Variants in RPA3 observed in about 807,000 individuals in gnomAD.
RPA3 encodes replication protein A3.
A neutral mutation model predicts 13.7 loss-of-function variants in RPA3; 24 were observed. The ratio of observed to expected loss-of-function variants is 1.75; its 90% CI spans 1.27 to 2.46. The LOEUF (loss-of-function observed/expected upper bound fraction) is 2.46, where lower values mean the gene tolerates loss of function less well. RPA3 is among the 30% of genes most tolerant of loss of function. The pLI is 0.00. For synonymous variants in RPA3, 59 were observed against 51.2 expected (o/e 1.15, Z -0.65); for missense variants, 183 against 151.0 (o/e 1.21, Z -1.11).
chr7:7,638,782 C>G (rs748252306), intron 6 of RPA3: 2 of 266,590 alleles, frequency 7.5e-6, no homozygotes, highest in East Asian at 1.4e-4. Context: ...AAAAAAGCAA[C>G]GTAAATTTTT....
chr7:7,692,966 G>T (rs1780210565), intron 2 of RPA3, among the ~76,000 whole-genome samples: 2 of 152,140 alleles, frequency 1.3e-5, no homozygotes, highest in African/African-American at 4.8e-5. Context: ...TATATTTTAT[G>T]TGTCTAAAAT....
intron 2 of RPA3, among the ~76,000 whole-genome samples, chr7:7,701,737 C>A (rs569122263): frequency 6.6e-6 from 1 of 152,052 alleles, no homozygotes; most frequent in Admixed American, 6.6e-5. Flanking sequence ...TTATCAGTTC[C>A]CCTTCATTCT....
intron 7 of RPA3, 108 bp from the exon 8 acceptor site, chr7:7,637,190 G>C (rs1424643091): frequency 2.4e-6 from 2 of 821,706 alleles, no homozygotes; most frequent in Non-Finnish European, 4.0e-6. Context: ...TTTTGGAAGT[G>C]AGTTTCTAAA....
intron 2 of RPA3, among the ~76,000 whole-genome samples, chr7:7,697,548 A>G (rs1780351280): frequency 6.6e-6 from 1 of 152,212 alleles, no homozygotes; most frequent in South Asian, 2.1e-4. Context: ...AAATTTTCCA[A>G]GTATCTCAGG....
chr7:7,708,859 A>C (rs1480690851), intron 2 of RPA3, among the ~76,000 whole-genome samples: 1 of 152,056 alleles, frequency 6.6e-6, no homozygotes, highest in African/African-American at 2.4e-5. Flanking sequence ...TATATATACA[A>C]ATACAGGCAG....
intron 3 of RPA3, among the ~76,000 whole-genome samples, chr7:7,686,730 A>G (rs1173108615): frequency 1.3e-5 from 2 of 152,174 alleles, no homozygotes; most frequent in East Asian, 1.9e-4. Context: ...TAGTCCCTCA[A>G]TATCTGTTTC....
chr7:7,641,198 G>T (rs1245411002), intron 4 of RPA3, 23 bp from the exon 5 acceptor site: 1 of 152,176 alleles, frequency 6.6e-6, no homozygotes, highest in African/African-American at 2.4e-5. Context: ...AGATTGATCC[G>T]ATTACTTCTA....
At chr7:7,648,100 G>A (rs967000740) in intron 4 of RPA3, among the ~76,000 whole-genome samples, 2 of 152,180 alleles carry the variant, frequency 1.3e-5, no homozygotes, top group African/African-American at 4.8e-5. Context: ...CTCAGCTGAA[G>A]GTAAAAACAG....
intron 3 of RPA3, among the ~76,000 whole-genome samples, 155 bp downstream of exon 3, chr7:7,687,073 C>T (rs1446591301): frequency 1.3e-5 from 2 of 152,178 alleles, no homozygotes; most frequent in East Asian, 1.9e-4. Context: ...ATGTGAGACA[C>T]AAAGTTCTGT....
rs1784876268 is a variant in RPA3 at position 7,636,979 on chromosome 7, T to G, written c.*21A>C. ...AGACTTTAATATAGCTCATTTACAA[T>G]CGTATGAAAATCCATCAAGATCAAT... On this transcript the variant is annotated 3_prime_UTR_variant, in exon 8 of 8. Transcript: ENST00000223129. The G allele has an allele frequency of 9.1e-6, 14 of 1,534,580 alleles. No individual in the cohort carries two copies. Among genetic ancestry groups the G allele is most frequent in the Non-Finnish European group, 1.3e-5 (14 of 1,109,388 alleles).
At chr7:7,663,242 C>G (rs553449693) in intron 4 of RPA3, among the ~76,000 whole-genome samples, 1 of 147,774 alleles carries the variant, frequency 6.8e-6, no homozygotes, top group African/African-American at 2.5e-5. Context: ...AGGGTTGGAA[C>G]TTGCAGTTTG....
At chr7:7,646,609 C>G (rs1785102016) in intron 4 of RPA3, among the ~76,000 whole-genome samples, 1 of 148,482 alleles carries the variant, frequency 6.7e-6, no homozygotes, top group Non-Finnish European at 1.5e-5. Flanking sequence ...ACCCCTTTTT[C>G]TTTATAAATT....
At chr7:7,654,530 G>A (rs1397837578) in intron 4 of RPA3, among the ~76,000 whole-genome samples, 3 of 152,172 alleles carry the variant, frequency 2.0e-5, no homozygotes, top group African/African-American at 7.2e-5. Context: ...TATAGTATTT[G>A]TATATAGCCT....
At chr7:7,666,184 TTTTGTTTGTTTG>T (rs146878102) in intron 4 of RPA3, among the ~76,000 whole-genome samples, 22 of 150,322 alleles carry the variant, frequency 1.5e-4, no homozygotes, top group East Asian at 4.0e-4. Context: ...GGAAAGTGTT[TTTTGTTTGTTTG>T]TTTGTTTGTT....
At chr7:7,656,069 A>C (rs993062539) in intron 4 of RPA3, among the ~76,000 whole-genome samples, 2 of 152,082 alleles carry the variant, frequency 1.3e-5, no homozygotes, top group Admixed American at 1.3e-4. Context: ...TCTCAACCTC[A>C]GGTGATCCGC....
rs536202405 is a variant in RPA3, at chr7:7,673,444, G to A, written c.-758+12386C>T. 140 of 857,712 alleles carry A rather than the reference G, an allele frequency of 1.6e-4. 2 individuals carry two copies. In the African/African-American group the frequency reaches 1.9e-3, roughly 11 times the overall value. The allele number at this position is 857,712 out of a possible 1,614,324, so 53.1% of individuals were successfully genotyped here. A position where few individuals can be genotyped will look rare whatever the true frequency, so the allele number is the denominator to read the frequency against. ...ACCAGAGACAGAAGCAGATGGATTC[G>A]TCCTTTTAGGTGAGTCTTTTTAAGA... On this transcript the variant is annotated intron_variant, in intron 4 of 7. Coordinates refer to ENST00000223129, the MANE Select transcript of RPA3 (RefSeq NM_002947.5).
At chr7:7,644,523 A>G (rs1413430997) in intron 4 of RPA3, among the ~76,000 whole-genome samples, 1 of 152,140 alleles carries the variant, frequency 6.6e-6, no homozygotes, top group African/African-American at 2.4e-5. Context: ...TGCCTTTCAT[A>G]TTTAATAGTC....
At chr7:7,683,422 C>T (rs1398405334) in intron 4 of RPA3, among the ~76,000 whole-genome samples, 1 of 152,036 alleles carries the variant, frequency 6.6e-6, no homozygotes, top group Non-Finnish European at 1.5e-5. Context: ...TGTATGTCAT[C>T]AAATAATGTG....
intron 4 of RPA3, among the ~76,000 whole-genome samples, chr7:7,683,123 G>A (rs769119258): frequency 3.9e-5 from 6 of 152,222 alleles, no homozygotes; most frequent in Non-Finnish European, 4.4e-5. Flanking sequence ...GCAGAACTGA[G>A]CCTTCTGTTT....
Sources: gnomAD v4.1 joint callset for allele counts (sites outside exome capture counted in the v4.1 genomes callset) on GRCh38, gnomAD v4.1.1 for gene constraint, MANE v1.5 for transcripts, NCBI Gene and HGNC (gene_info 2026-07-23, HGNC 2026-07-21) for gene names.